AGBL4: variants seen among roughly 807,000 people sequenced by gnomAD.
AGBL4 encodes the protein AGBL carboxypeptidase 4.
A neutral mutation model predicts 66.4 loss-of-function variants in AGBL4; 58 were observed. The ratio of observed to expected loss-of-function variants is 0.87; its 90% CI spans 0.71 to 1.09. The LOEUF (loss-of-function observed/expected upper bound fraction) is 1.09, where lower values mean the gene tolerates loss of function less well. AGBL4 is among the 50% of genes least tolerant of loss of function. The probability of loss-of-function intolerance (pLI) is 0.00; values close to 1 mark genes in which losing one functional copy is unlikely to be tolerated. For missense variants in AGBL4, 579 were observed against 631.0 expected, an observed-to-expected ratio of 0.92 and a Z score of 0.88; for synonymous variants, 234 against 222.9, an observed-to-expected ratio of 1.05 and a Z score of -0.44.
intron 1 of AGBL4, among the ~76,000 whole-genome samples, chr1:49,857,359 T>C (rs1172409237): frequency 6.6e-6 from 1 of 151,822 alleles, no homozygotes; most frequent in Non-Finnish European, 1.5e-5. Context: ...TTCACAGAAA[T>C]AGAGAAAATA....
At chr1:48,952,974 C>T (rs1386294682) in intron 5 of AGBL4, among the ~76,000 whole-genome samples, 3 of 152,118 alleles carry the variant, frequency 2.0e-5, no homozygotes, top group African/African-American at 7.2e-5. Flanking sequence ...CTGAACATTC[C>T]TGGACTTTGG....
intron 6 of AGBL4, among the ~76,000 whole-genome samples, chr1:48,776,008 G>A (rs1407246240): frequency 1.3e-5 from 2 of 152,208 alleles, no homozygotes; most frequent in African/African-American, 4.8e-5. Context: ...GTGGTGTGGA[G>A]CCCAGTGCAC....
At chr1:49,705,595 G>A (rs1316511989) in intron 2 of AGBL4, among the ~76,000 whole-genome samples, 1 of 152,192 alleles carries the variant, frequency 6.6e-6, no homozygotes, top group African/African-American at 2.4e-5. Flanking sequence ...GGAGTGGTGA[G>A]AGAAGGCATC....
chr1:49,989,170 T>C (rs188989808), intron 1 of AGBL4, among the ~76,000 whole-genome samples: 4 of 152,118 alleles, frequency 2.6e-5, no homozygotes, highest in Non-Finnish European at 5.9e-5. Context: ...CCAAGTGGGT[T>C]GAAAGGAATA....
At chr1:48,620,270 G>C (rs769276058) in intron 9 of AGBL4, among the ~76,000 whole-genome samples, 3 of 152,124 alleles carry the variant, frequency 2.0e-5, no homozygotes, top group Non-Finnish European at 4.4e-5. Context: ...ATTTATTTAC[G>C]TATTTAAATA....
chr1:48,530,257 T>C (rs1643898293), downstream of AGBL4, among the ~76,000 whole-genome samples: 1 of 152,182 alleles, frequency 6.6e-6, no homozygotes, highest in Non-Finnish European at 1.5e-5. Context: ...TAGAAAATGA[T>C]ACTTACCTGA....
chr1:49,211,836 C>G (rs1648692925), intron 4 of AGBL4, among the ~76,000 whole-genome samples: 2 of 152,086 alleles, frequency 1.3e-5, no homozygotes, highest in Admixed American at 1.3e-4. Context: ...TTTCAAATCA[C>G]ACAACAACCA....
chr1:49,784,026 G>A (rs970585283), intron 2 of AGBL4, among the ~76,000 whole-genome samples: 2 of 152,080 alleles, frequency 1.3e-5, no homozygotes, highest in East Asian at 1.9e-4. Context: ...GATATCTCAT[G>A]GTCATAGATC....
intron 5 of AGBL4, among the ~76,000 whole-genome samples, chr1:48,947,951 C>A (rs543765809): frequency 6.0e-4 from 91 of 151,386 alleles, no homozygotes; most frequent in African/African-American, 2.0e-3. Context: ...AGTGCAGTCG[C>A]GCAATCTCGG....
At chr1:48,795,835 G>A (rs1335634786) in intron 6 of AGBL4, among the ~76,000 whole-genome samples, 1 of 152,142 alleles carries the variant, frequency 6.6e-6, no homozygotes, top group African/African-American at 2.4e-5. Context: ...CTATTTTTTA[G>A]TAGAGATGGG....
chr1:49,648,258 T>A (rs1453669657), intron 3 of AGBL4, among the ~76,000 whole-genome samples: 13 of 151,504 alleles, frequency 8.6e-5, no homozygotes, highest in Non-Finnish European at 1.9e-4. Flanking sequence ...TGGACACAGC[T>A]GAGAAAAGAG....
chr1:49,456,138 C>T (rs953035998), intron 3 of AGBL4, among the ~76,000 whole-genome samples: 2 of 151,744 alleles, frequency 1.3e-5, no homozygotes, highest in African/African-American at 4.8e-5. Flanking sequence ...TTTCTGCTCA[C>T]ACCTTCATCT....
At chr1:49,007,655 C>G (rs1661976102) in intron 5 of AGBL4, among the ~76,000 whole-genome samples, 1 of 151,926 alleles carries the variant, frequency 6.6e-6, no homozygotes, top group African/African-American at 2.4e-5. Flanking sequence ...CAAAGGGAAG[C>G]CCATCAGACT....
At chr1:48,705,493 T>G (rs1417599512) in intron 6 of AGBL4, among the ~76,000 whole-genome samples, 3 of 152,272 alleles carry the variant, frequency 2.0e-5, no homozygotes, top group African/African-American at 7.2e-5. Flanking sequence ...TTGTCTCATC[T>G]AATTCTCCCA....
intron 2 of AGBL4, among the ~76,000 whole-genome samples, chr1:49,701,443 TA>T (rs1343465393): frequency 6.6e-6 from 1 of 152,136 alleles, no homozygotes; most frequent in African/African-American, 2.4e-5. Flanking sequence ...AAGCCTGTGG[TA>T]ATGGTTTCAC....
At chr1:49,921,452 C>T (rs558640953) in intron 1 of AGBL4, among the ~76,000 whole-genome samples, 3 of 152,172 alleles carry the variant, frequency 2.0e-5, no homozygotes, top group South Asian at 4.1e-4. Context: ...AAGGACACAA[C>T]TAATAGGATA....
At chr1:49,326,342 A>G (rs1645227887) in intron 3 of AGBL4, among the ~76,000 whole-genome samples, 1 of 152,088 alleles carries the variant, frequency 6.6e-6, no homozygotes, top group African/African-American at 2.4e-5. Context: ...GGTCATACCT[A>G]TTTTACTCTT....
chr1:49,980,611 A>G (rs949363435), intron 1 of AGBL4, among the ~76,000 whole-genome samples: 5 of 152,134 alleles, frequency 3.3e-5, no homozygotes, highest in Admixed American at 6.5e-5. Flanking sequence ...CTTCCTTTCT[A>G]AGACTGAGTA....
At chr1:49,258,841 A>C (rs1374420567) in intron 3 of AGBL4, among the ~76,000 whole-genome samples, 1 of 152,192 alleles carries the variant, frequency 6.6e-6, no homozygotes, top group Non-Finnish European at 1.5e-5. Flanking sequence ...AGCAACTCCA[A>C]GACACATAAT....
Sources: allele counts gnomAD v4.1 joint callset (sites outside exome capture counted in the v4.1 genomes callset), GRCh38; gene constraint gnomAD v4.1.1; transcripts MANE v1.5; gene names NCBI Gene and HGNC (gene_info 2026-07-23, HGNC 2026-07-21).